CDH18: variants seen among roughly 807,000 people sequenced by gnomAD.
CDH18 encodes the protein cadherin 18.
A neutral mutation model predicts 67.9 loss-of-function variants in CDH18; 31 were observed. The observed-to-expected ratio is 0.46, with a 90% CI of 0.34 to 0.62. The LOEUF (loss-of-function observed/expected upper bound fraction) is 0.62. Among genes scored for constraint, CDH18 ranks in the 20% least tolerant of loss-of-function variants. CDH18 has a pLI of 0.01. For missense variants in CDH18, 890 were observed against 975.5 expected (o/e 0.91, Z 1.17); for synonymous variants, 362 against 347.2 (o/e 1.04, Z -0.48).
chr5:19,955,154 T>C (rs10941553), intron 2 of CDH18, among the ~76,000 whole-genome samples: 64,912 of 151,930 alleles, frequency 0.43, 16,178 homozygotes, highest in Middle Eastern at 0.66. Flanking sequence ...ACATGTTTGC[T>C]TCCCCTTCCA....
chr5:19,731,966 T>C lies in CDH18; in HGVS notation c.524-10500A>G, dbSNP rs1057116140. On this transcript the variant is annotated intron_variant, in intron 4 of 12. Coordinates refer to ENST00000382275, the MANE Select transcript of CDH18 (RefSeq NM_004934.5). ...TTAGCCAGACCTGGTAGTACACACCTGTAGTTCTAGCTACTCAGGAGGCTG... is the reference window on the plus strand; with the variant it reads ...TTAGCCAGACCTGGTAGTACACACCCGTAGTTCTAGCTACTCAGGAGGCTG... Among the ~76,000 whole-genome samples, 12 of 151,296 alleles carry C rather than the reference T, an allele frequency of 7.9e-5. No individual in the cohort carries two copies. In the East Asian group the frequency reaches 2.0e-3, roughly 25 times the overall value.
chr5:20,203,237 A>G (rs2126311919), intron 2 of CDH18, among the ~76,000 whole-genome samples: 1 of 152,286 alleles, frequency 6.6e-6, no homozygotes, highest in East Asian at 1.9e-4. Flanking sequence ...ATTCGTGGGA[A>G]GCATTGCAAG....
Position 19,593,665 on chromosome 5 carries a change from T to C in CDH18, c.812-2421A>G. Among the ~76,000 whole-genome samples, 2 of 73,328 alleles carry C rather than the reference T, an allele frequency of 2.7e-5. 1 individual carries two copies. The highest frequency in any genetic ancestry group is 2.9e-4 in the Admixed American group (2 of 6,898). The allele number at this position is 73,328 out of a possible 152,430, so 48.1% of individuals were successfully genotyped here. On this transcript the variant is annotated intron_variant, in intron 6 of 12. Transcript: ENST00000382275. Reference sequence around the variant, plus strand: ...CCTTCACCCACTCCCCCTCCCCTTCTACCTCCTTCTTCCTCCTCCTTCTCT... The same window carrying C: ...CCTTCACCCACTCCCCCTCCCCTTCCACCTCCTTCTTCCTCCTCCTTCTCT...
chr5:20,563,232 T>C (rs1018608945), intron 1 of CDH18, among the ~76,000 whole-genome samples: 6 of 152,020 alleles, frequency 3.9e-5, no homozygotes, highest in Non-Finnish European at 7.4e-5. Flanking sequence ...AAAAAGTATA[T>C]TGGTGTCAAC....
intron 5 of CDH18, among the ~76,000 whole-genome samples, chr5:19,662,342 C>T (rs916596743): frequency 2.6e-5 from 4 of 151,804 alleles, no homozygotes; most frequent in East Asian, 1.9e-4. Context: ...ATGAAATGCA[C>T]GAAATATTTT....
At chr5:19,738,801 G>C (rs1473815544) in intron 4 of CDH18, among the ~76,000 whole-genome samples, 1 of 152,048 alleles carries the variant, frequency 6.6e-6, no homozygotes, top group African/African-American at 2.4e-5. Context: ...CTTTATACCT[G>C]AATGACGAAA....
intron 1 of CDH18, among the ~76,000 whole-genome samples, chr5:20,531,979 C>G (rs928181634): frequency 1.1e-4 from 17 of 151,518 alleles, no homozygotes; most frequent in African/African-American, 2.9e-4. Context: ...CAAAATTATC[C>G]TGCTCAAATG....
chr5:19,516,588 TG>T (rs1334075432), intron 10 of CDH18, among the ~76,000 whole-genome samples: 1 of 152,098 alleles, frequency 6.6e-6, no homozygotes, highest in African/African-American at 2.4e-5. Flanking sequence ...TAGGGTATAT[TG>T]TCCAGGACTG....
intron 7 of CDH18, among the ~76,000 whole-genome samples, chr5:19,580,959 T>C (rs1743153081): frequency 6.6e-6 from 1 of 152,002 alleles, no homozygotes; most frequent in Non-Finnish European, 1.5e-5. Flanking sequence ...AAGTATTTAT[T>C]ATTAAGTTAA....
At chr5:19,493,927 AC>A (rs1741880523) in intron 11 of CDH18, among the ~76,000 whole-genome samples, 1 of 152,110 alleles carries the variant, frequency 6.6e-6, no homozygotes, top group Non-Finnish European at 1.5e-5. Flanking sequence ...GTTTTCTGTA[AC>A]ATTCAGTATT....
chr5:20,541,720 T>G (rs1051178978), intron 1 of CDH18, among the ~76,000 whole-genome samples: 4 of 152,124 alleles, frequency 2.6e-5, no homozygotes, highest in African/African-American at 9.7e-5. Context: ...ATCAAAAAAT[T>G]TAAGCAGCAC....
intron 2 of CDH18, among the ~76,000 whole-genome samples, chr5:20,199,779 A>T (rs1739298547): frequency 6.6e-6 from 1 of 152,130 alleles, no homozygotes. Flanking sequence ...AGGTAATTGA[A>T]TCATGGGGGT....
chr5:20,365,933 C>T (rs1742479690), intron 1 of CDH18, among the ~76,000 whole-genome samples: 1 of 152,060 alleles, frequency 6.6e-6, no homozygotes, highest in African/African-American at 2.4e-5. Context: ...GTTGGCCTTC[C>T]ATTCATTGCC....
intron 2 of CDH18, among the ~76,000 whole-genome samples, chr5:19,852,359 C>G (rs531397932): frequency 2.0e-5 from 3 of 152,190 alleles, no homozygotes; most frequent in South Asian, 4.1e-4. Context: ...TAGCCTGCAT[C>G]AGTCTCTGAA....
intron 11 of CDH18, among the ~76,000 whole-genome samples, chr5:19,485,010 TA>T (rs1740136008): frequency 8.2e-6 from 1 of 121,628 alleles, no homozygotes; most frequent in Admixed American, 8.4e-5. Context: ...TAGGTATGTT[TA>T]TAACAGTCAC....
chr5:19,944,681 A>G (rs983978586), intron 2 of CDH18, among the ~76,000 whole-genome samples: 8 of 152,188 alleles, frequency 5.3e-5, no homozygotes, highest in Non-Finnish European at 1.0e-4. Context: ...ATATGGATAC[A>G]TACATGCTAT....
At chr5:19,510,914 C>G (rs1283144879) in intron 10 of CDH18, among the ~76,000 whole-genome samples, 1 of 151,730 alleles carries the variant, frequency 6.6e-6, no homozygotes, top group Non-Finnish European at 1.5e-5. Flanking sequence ...TGGGTTCAAG[C>G]GATTCTCCTG....
intron 5 of CDH18, among the ~76,000 whole-genome samples, chr5:19,711,986 A>T (rs1174463874): frequency 6.6e-6 from 1 of 152,126 alleles, no homozygotes; most frequent in Non-Finnish European, 1.5e-5. Context: ...AATTAAAAAG[A>T]ATGAAATCAT....
chr5:20,345,517 C>A (rs1273514015), intron 1 of CDH18, among the ~76,000 whole-genome samples: 1 of 151,910 alleles, frequency 6.6e-6, no homozygotes, highest in Non-Finnish European at 1.5e-5. Context: ...TTTATTATAT[C>A]ATTTATATTT....
Sources: allele counts gnomAD v4.1 joint callset (sites outside exome capture counted in the v4.1 genomes callset), GRCh38; gene constraint gnomAD v4.1.1; transcripts MANE v1.5; gene names NCBI Gene and HGNC (gene_info 2026-07-23, HGNC 2026-07-21).